Variants in SPRR2G observed in about 807,000 individuals in gnomAD.
The protein encoded by SPRR2G is small proline-rich protein 2G.
Under a neutral mutation model 0.7 loss-of-function variants are expected in SPRR2G, and 1 was observed. That is an observed-to-expected ratio of 1.49 (90% CI 0.53 to 7.06). The LOEUF (loss-of-function observed/expected upper bound fraction) is 7.06, where lower values mean the gene tolerates loss of function less well. Ranked by LOEUF, SPRR2G falls within the 30% of genes most tolerant of loss-of-function variation. The probability of loss-of-function intolerance (pLI) is 0.14; values close to 1 mark genes in which losing one functional copy is unlikely to be tolerated. For missense variants in SPRR2G, 96 were observed against 88.5 expected, an observed-to-expected ratio of 1.09 and a Z score of -0.34; for synonymous variants, 38 against 33.9, an observed-to-expected ratio of 1.12 and a Z score of -0.42.
the SPRR2G span, among the ~76,000 whole-genome samples, chr1:153,155,909 C>T: frequency 6.6e-6 from 1 of 152,122 alleles, no homozygotes. Flanking sequence ...CCTAAGAGTC[C>T]CATAAAACAC....
chr1:153,202,866 T>TCCTAACACA, the SPRR2G span, among the ~76,000 whole-genome samples: 4 of 151,928 alleles, frequency 2.6e-5, no homozygotes, highest in Admixed American at 2.0e-4. Flanking sequence ...CCATCGCCAC[T>TCCTAACACA]CCTAACACAC....
the SPRR2G span, among the ~76,000 whole-genome samples, chr1:153,197,751 A>G: frequency 3.9e-5 from 6 of 152,214 alleles, no homozygotes; most frequent in Admixed American, 2.0e-4. Context: ...AGCAGTCCAC[A>G]TGGAAGGTGG....
the SPRR2G span, among the ~76,000 whole-genome samples, chr1:153,162,503 C>G: frequency 0.5 from 76,237 of 151,858 alleles, 19,570 homozygotes; most frequent in Non-Finnish European, 0.57. Flanking sequence ...TACTGCTATG[C>G]GTCCCACAAT....
At chr1:153,174,353 T>C in the SPRR2G span, among the ~76,000 whole-genome samples, 1 of 152,156 alleles carries the variant, frequency 6.6e-6, no homozygotes, top group Non-Finnish European at 1.5e-5. Flanking sequence ...ATAGAACTCT[T>C]GGAAAAGCCG....
At chr1:153,175,749 A>T in the SPRR2G span, among the ~76,000 whole-genome samples, 2 of 152,182 alleles carry the variant, frequency 1.3e-5, no homozygotes, top group Non-Finnish European at 2.9e-5. Flanking sequence ...CCACTGCTAT[A>T]TGCCCAGCAC....
chr1:153,161,961 TAC>T, the SPRR2G span, among the ~76,000 whole-genome samples: 1 of 152,220 alleles, frequency 6.6e-6, no homozygotes, highest in South Asian at 2.1e-4. Context: ...GTCTCCATGA[TAC>T]CAATAGGGGG....
At chr1:153,189,244 GTGT>G in the SPRR2G span, among the ~76,000 whole-genome samples, 1 of 152,018 alleles carries the variant, frequency 6.6e-6, no homozygotes, top group South Asian at 2.1e-4. Flanking sequence ...GACATTTTTA[GTGT>G]AACATATGCT....
chr1:153,163,114 G>T, the SPRR2G span, among the ~76,000 whole-genome samples: 2 of 152,174 alleles, frequency 1.3e-5, no homozygotes, highest in Non-Finnish European at 2.9e-5. Context: ...AGCTGTTCAT[G>T]ACCCTAATCT....
At chr1:153,153,455 G>A (rs12026518), upstream of SPRR2G, among the ~76,000 whole-genome samples, 17 of 152,108 alleles carry the variant, frequency 1.1e-4, no homozygotes, top group Middle Eastern at 3.4e-3. Flanking sequence ...CTTCTCTGAC[G>A]GACATTTTTG....
At chr1:153,196,105 A>C in the SPRR2G span, among the ~76,000 whole-genome samples, 1 of 152,236 alleles carries the variant, frequency 6.6e-6, no homozygotes, top group African/African-American at 2.4e-5. Flanking sequence ...AACAAATTGT[A>C]AGTGTATTAA....
upstream of SPRR2G, among the ~76,000 whole-genome samples, chr1:153,151,689 T>C (rs1404756444): frequency 6.6e-6 from 1 of 152,218 alleles, no homozygotes; most frequent in Non-Finnish European, 1.5e-5. Context: ...TTTTGAAGCT[T>C]TTCTCCTACA....
At chr1:153,179,964 T>A in the SPRR2G span, among the ~76,000 whole-genome samples, 3 of 152,198 alleles carry the variant, frequency 2.0e-5, no homozygotes, top group Non-Finnish European at 2.9e-5. Flanking sequence ...AAGACCTTAC[T>A]GTCCTACAAA....
At chr1:153,183,679 C>A in the SPRR2G span, among the ~76,000 whole-genome samples, 2 of 152,120 alleles carry the variant, frequency 1.3e-5, no homozygotes, top group African/African-American at 2.4e-5. Context: ...TGCCTGTTCA[C>A]TCTGATGATA....
the SPRR2G span, among the ~76,000 whole-genome samples, chr1:153,160,094 T>A: frequency 6.6e-6 from 1 of 152,234 alleles, no homozygotes; most frequent in South Asian, 2.1e-4. Flanking sequence ...GCAACCACCA[T>A]TCTTTTCTCT....
chr1:153,197,963 G>C, the SPRR2G span, among the ~76,000 whole-genome samples: 1 of 151,710 alleles, frequency 6.6e-6, no homozygotes, highest in Non-Finnish European at 1.5e-5. Context: ...ATTTTAAAAA[G>C]TAATTGGTTC....
At chr1:153,175,817 G>C in the SPRR2G span, among the ~76,000 whole-genome samples, 1 of 152,198 alleles carries the variant, frequency 6.6e-6, no homozygotes, top group Admixed American at 6.5e-5. Context: ...AGATGTGGTG[G>C]CTCACGCCTG....
the SPRR2G span, among the ~76,000 whole-genome samples, chr1:153,184,616 G>T: frequency 0.014 from 2,124 of 152,158 alleles, 45 homozygotes; most frequent in African/African-American, 0.049. Flanking sequence ...GAGAAAATGG[G>T]GTTTTCTAAA....
the SPRR2G span, chr1:153,176,640 G>C: frequency 1.3e-5 from 2 of 152,142 alleles, no homozygotes; most frequent in African/African-American, 4.8e-5. Context: ...ACACCATGTC[G>C]GTATGGGTGT....
At chr1:153,186,478 T>C in the SPRR2G span, among the ~76,000 whole-genome samples, 1 of 152,228 alleles carries the variant, frequency 6.6e-6, no homozygotes, top group Non-Finnish European at 1.5e-5. Flanking sequence ...ATGTCTTTCT[T>C]TGTATTTTTT....
Sources: gnomAD v4.1 joint callset for allele counts (sites outside exome capture counted in the v4.1 genomes callset) on GRCh38, gnomAD v4.1.1 for gene constraint, MANE v1.5 for transcripts, NCBI Gene and HGNC (gene_info 2026-07-23, HGNC 2026-07-21) for gene names.